Variants in TENM2 observed in about 807,000 individuals in gnomAD.
TENM2 encodes the protein teneurin-2.
In TENM2, 52 loss-of-function variants were observed where a neutral mutation model predicts 245.2. That is an observed-to-expected ratio of 0.21 (90% CI 0.17 to 0.27). The LOEUF (loss-of-function observed/expected upper bound fraction) is 0.27, where lower values mean the gene tolerates loss of function less well. TENM2 is among the 10% of genes least tolerant of loss of function. The pLI, the probability that TENM2 is intolerant of heterozygous loss-of-function variation, is 1.00. For missense variants in TENM2, 3,046 were observed against 3,666.8 expected, an observed-to-expected ratio of 0.83 and a Z score of 4.37; for synonymous variants, 1,363 against 1,438.9, an observed-to-expected ratio of 0.95 and a Z score of 1.19.
chr5:167,181,466 TTGTGTGTGTGTGTGTG>T, the TENM2 span, among the ~76,000 whole-genome samples: 5 of 122,598 alleles, frequency 4.1e-5, no homozygotes, highest in East Asian at 2.7e-4. Flanking sequence ...AGCCGCTCGT[TTGTGTGTGTGTGTGTG>T]TGTGTGTGTG....
chr5:168,160,530 A>G (rs1351384753), intron 12 of TENM2, among the ~76,000 whole-genome samples: 2 of 152,210 alleles, frequency 1.3e-5, no homozygotes, highest in East Asian at 3.9e-4. Context: ...CCCTCTCAAG[A>G]CAGCTTGGCT....
the TENM2 span, among the ~76,000 whole-genome samples, chr5:167,269,536 T>TACATACAC: frequency 6.6e-6 from 1 of 150,610 alleles, no homozygotes; most frequent in Non-Finnish European, 1.5e-5. Context: ...AAATAGTGAC[T>TACATACAC]ACACACACAC....
At chr5:168,248,538 G>T (rs979674569) in intron 27 of TENM2, among the ~76,000 whole-genome samples, 167 bp downstream of exon 29, 2 of 152,150 alleles carry the variant, frequency 1.3e-5, no homozygotes, top group East Asian at 3.9e-4. Flanking sequence ...GTAGAGAGAC[G>T]GCAGTACAGA....
Position 168,236,977 on chromosome 5 carries a change from TATATATATATATATATATATATA to T in TENM2, c.5521-7442_5521-7420del, listed in dbSNP as rs1429164601. On this transcript the variant is annotated intron_variant, in intron 25 of 28. Transcript: ENST00000518659. ...ATATATATATATATATATATATATA[TATATATATATATATATATATATA>T]TTTTTTTTTTTTTTTTTTTTTTTTT... Among the ~76,000 whole-genome samples the T allele has an allele frequency of 9.5e-3, 53 of 5,554 alleles. 2 individuals carry two copies. The highest frequency in any genetic ancestry group is 0.017 in the African/African-American group (23 of 1,392). The allele number at this position is 5,554 out of a possible 152,430, so 3.6% of individuals were successfully genotyped here.
chr5:167,116,779 C>T, the TENM2 span: 11 of 152,006 alleles, frequency 7.2e-5, no homozygotes, highest in Admixed American at 3.9e-4. Flanking sequence ...AATTTCTTTC[C>T]ACTCATCTGG....
At chr5:167,722,420 A>G (rs1053499998) in intron 2 of TENM2, among the ~76,000 whole-genome samples, 9 of 152,226 alleles carry the variant, frequency 5.9e-5, no homozygotes, top group Admixed American at 3.9e-4. Context: ...GGATACATAG[A>G]TATAGGTAGA....
At chr5:167,459,126 C>T (rs906611533) in intron 2 of TENM2, among the ~76,000 whole-genome samples, 6 of 152,192 alleles carry the variant, frequency 3.9e-5, no homozygotes, top group Non-Finnish European at 2.9e-5. Context: ...AAGCCCTTCA[C>T]CCATCGAACA....
At chr5:168,116,706 C>T (rs750208738) in intron 9 of TENM2, among the ~76,000 whole-genome samples, 4 of 152,116 alleles carry the variant, frequency 2.6e-5, no homozygotes, top group African/African-American at 4.8e-5. Context: ...AAATTAGACA[C>T]GCACAGAGGA....
intron 2 of TENM2, among the ~76,000 whole-genome samples, chr5:167,573,027 C>G (rs559895237): frequency 9.2e-5 from 14 of 151,874 alleles, no homozygotes; most frequent in Non-Finnish European, 1.8e-4. Context: ...TAAACTTGAA[C>G]TAGGAAACAC....
chr5:167,455,097 T>C (rs1048233115), intron 2 of TENM2, among the ~76,000 whole-genome samples: 1 of 152,248 alleles, frequency 6.6e-6, no homozygotes, highest in African/African-American at 2.4e-5. Flanking sequence ...ATCTTACCAA[T>C]GTTCAAATTT....
intron 2 of TENM2, among the ~76,000 whole-genome samples, chr5:167,837,406 C>T (rs764702425): frequency 3.0e-4 from 45 of 152,186 alleles, no homozygotes; most frequent in Middle Eastern, 6.8e-3. Context: ...GATCAAAATA[C>T]GCTCTCTCAT....
At chr5:167,813,102 A>G (rs955745482) in intron 2 of TENM2, among the ~76,000 whole-genome samples, 4 of 152,156 alleles carry the variant, frequency 2.6e-5, no homozygotes, top group Non-Finnish European at 5.9e-5. Context: ...CAGCACTGGA[A>G]AGTACCCGAC....
chr5:168,256,637 C>A (rs1200605475), intron 27 of TENM2, among the ~76,000 whole-genome samples: 1 of 152,126 alleles, frequency 6.6e-6, no homozygotes, highest in Admixed American at 6.5e-5. Context: ...ATTGGCCAGG[C>A]TGGTCTTGAA....
At chr5:167,739,050 A>G (rs1760995210) in intron 2 of TENM2, among the ~76,000 whole-genome samples, 1 of 152,330 alleles carries the variant, frequency 6.6e-6, no homozygotes. Context: ...TGGATAAACT[A>G]GAGAACAATA....
At chr5:167,238,330 G>C in the TENM2 span, among the ~76,000 whole-genome samples, 1 of 152,010 alleles carries the variant, frequency 6.6e-6, no homozygotes, top group African/African-American at 2.4e-5. Flanking sequence ...ACAATCAATA[G>C]ATCTCAGGTC....
intron 1 of TENM2, among the ~76,000 whole-genome samples, chr5:167,311,195 T>G (rs2127754071): frequency 6.6e-6 from 1 of 152,318 alleles, no homozygotes; most frequent in Admixed American, 6.5e-5. Flanking sequence ...ATTTGAAGGA[T>G]TAGTCTTTAA....
chr5:167,410,762 G>C (rs4280897), intron 2 of TENM2, among the ~76,000 whole-genome samples: 3,624 of 152,148 alleles, frequency 0.024, 156 homozygotes, highest in African/African-American at 0.083. Context: ...CATGGGCATA[G>C]AAGAAATATA....
chr5:167,767,398 ATG>A (rs761740800), intron 2 of TENM2, among the ~76,000 whole-genome samples: 5 of 152,212 alleles, frequency 3.3e-5, no homozygotes, highest in Non-Finnish European at 7.3e-5. Flanking sequence ...TACTAGAGAA[ATG>A]ATGGACTGCA....
the TENM2 span, among the ~76,000 whole-genome samples, chr5:167,179,194 A>C: frequency 1.3e-5 from 2 of 152,164 alleles, no homozygotes; most frequent in Non-Finnish European, 2.9e-5. Context: ...CATCCTTCCA[A>C]GGATAACAGG....
Sources: gnomAD v4.1 joint callset for allele counts (sites outside exome capture counted in the v4.1 genomes callset) on GRCh38, gnomAD v4.1.1 for gene constraint, MANE v1.5 for transcripts, NCBI Gene and HGNC (gene_info 2026-07-23, HGNC 2026-07-21) for gene names.